GRIP2: variants seen among roughly 807,000 people sequenced by gnomAD.
GRIP2 encodes the protein glutamate receptor-interacting protein 2.
In GRIP2, 58 loss-of-function variants were observed where a neutral mutation model predicts 108.3. The ratio of observed to expected loss-of-function variants is 0.54; its 90% confidence interval spans 0.43 to 0.67. The LOEUF (loss-of-function observed/expected upper bound fraction) is 0.67, where lower values mean the gene tolerates loss of function less well. Among genes scored for constraint, GRIP2 ranks in the 30% least tolerant of loss-of-function variants. The pLI, the probability that GRIP2 is intolerant of heterozygous loss-of-function variation, is 0.00. For synonymous variants in GRIP2, 586 were observed against 598.2 expected (o/e 0.98, Z 0.30); for missense variants, 1,278 against 1,430.6 (o/e 0.89, Z 1.72).
intron 22 of GRIP2, among the ~76,000 whole-genome samples, chr3:14,495,916 T>A (rs960829055): frequency 1.3e-5 from 2 of 152,040 alleles, no homozygotes; most frequent in African/African-American, 4.8e-5. Flanking sequence ...GAGGCTGAGG[T>A]GGGCAGATCA....
chr3:14,597,809 C>A, the GRIP2 span, among the ~76,000 whole-genome samples: 1 of 152,186 alleles, frequency 6.6e-6, no homozygotes, highest in Admixed American at 6.5e-5. Flanking sequence ...GGGGGCAATT[C>A]TGCATGCTGA....
chr3:14,539,304 T>A (rs993385477), intron 1 of GRIP2, among the ~76,000 whole-genome samples: 2 of 151,952 alleles, frequency 1.3e-5, no homozygotes, highest in African/African-American at 2.4e-5. Flanking sequence ...TGATTATGAG[T>A]GTTATTTTTC....
At chr3:14,519,354 G>T (rs925937725) in intron 9 of GRIP2, among the ~76,000 whole-genome samples, 1 of 152,220 alleles carries the variant, frequency 6.6e-6, no homozygotes, top group African/African-American at 2.4e-5. Flanking sequence ...TGCCCTTAGG[G>T]CTAGGATTTA....
chr3:14,561,669 G>T, the GRIP2 span, among the ~76,000 whole-genome samples: 3 of 152,308 alleles, frequency 2.0e-5, no homozygotes, highest in Non-Finnish European at 4.4e-5. Context: ...TGCCATCCCC[G>T]CCTGCTTCCC....
upstream of GRIP2, among the ~76,000 whole-genome samples, chr3:14,545,211 T>C (rs1343393126): frequency 6.6e-6 from 1 of 152,132 alleles, no homozygotes; most frequent in Non-Finnish European, 1.5e-5. Flanking sequence ...GTGACCAGCA[T>C]TTTGCACACA....
chr3:14,576,763 C>A, the GRIP2 span, among the ~76,000 whole-genome samples: 1 of 152,232 alleles, frequency 6.6e-6, no homozygotes, highest in African/African-American at 2.4e-5. Context: ...TCCATTTTGA[C>A]CCCACTGCTA....
chr3:14,525,754 G>GAGC, intron 2 of GRIP2, 97 bp downstream of exon 2: 1 of 1,355,760 alleles, frequency 7.4e-7, no homozygotes, highest in Non-Finnish European at 1.0e-6. Context: ...TAAGGTCACA[G>GAGC]AGCAAGTCAG....
chr3:14,601,741 C>G, the GRIP2 span, among the ~76,000 whole-genome samples: 3 of 152,226 alleles, frequency 2.0e-5, no homozygotes, highest in Admixed American at 2.0e-4. Context: ...CAGCTCTCTC[C>G]GTCTTCCTCC....
intron 10 of GRIP2, 58 bp from the exon 11 acceptor site, chr3:14,517,271 A>C: frequency 6.8e-7 from 1 of 1,468,138 alleles, no homozygotes. Flanking sequence ...ACCCCACCAC[A>C]CAGTGGGTGC....
Position 14,513,824 on chromosome 3 carries a change from G to A in GRIP2, c.1494-14C>T. On this transcript the variant is annotated splice_polypyrimidine_tract_variant and intron_variant, in intron 12 of 23. Transcript: ENST00000621039. Reference sequence around the variant, plus strand: ...AGCAGCCCACACCTGAACCCAGGGGGCCCGGCAGAGAGAAGAGGCTCCGTG... The same window carrying A: ...AGCAGCCCACACCTGAACCCAGGGGACCCGGCAGAGAGAAGAGGCTCCGTG... The A allele has an allele frequency of 6.2e-7, 1 of 1,610,438 alleles. No homozygotes were observed. Among genetic ancestry groups the A allele is most frequent in the Non-Finnish European group, 8.5e-7 (1 of 1,178,144 alleles).
rs569984566 is a variant in GRIP2, at chr3:14,520,155, G to A, written c.985C>T (p.Leu329=). 9.7e-5 allele frequency: 156 copies of A among 1,610,896 alleles called. No individual in the cohort carries two copies. In the East Asian group the frequency reaches 2.9e-3, roughly 29 times the overall value. Residue 329 remains leucine (L), a synonymous_variant, in exon 9 of 24, where the codon CTG becomes TTG. Transcript: ENST00000621039. Reference sequence around the variant, plus strand: ...GGCCGCTGACTCTGGGGCACAGGCAGGATCTCCAGCCGCACCTTCTCTGAA... The same window carrying A: ...GGCCGCTGACTCTGGGGCACAGGCAAGATCTCCAGCCGCACCTTCTCTGAA... ...SISEKVRLEI[L]PVPQSQRPLR...
In GRIP2 at chr3:14,524,440, A is replaced by G; in HGVS notation, c.356T>C (p.Val119Ala). The G allele has an allele frequency of 2.5e-6, 4 of 1,606,412 alleles. No individual in the cohort carries two copies. The highest frequency in any genetic ancestry group is 3.4e-6 in the Non-Finnish European group (4 of 1,176,778). The change falls in exon 4 of 24, where the codon GTG becomes GCG. Residue 119 changes from valine to alanine, a missense_variant. Physicochemically the swap from Val to Ala is moderately conservative, Grantham distance 64. Coordinates refer to ENST00000621039, the MANE Select transcript of GRIP2 (RefSeq NM_001080423.4). ...CACCTCCAGCACCACGCGCTCGCCC[A>G]CATTCTTGAGCAGGGTGATGATCTC... ...HDEIITLLKN[V>A]GERVVLEVEY...
chr3:14,496,988 T>C (rs1206906037), intron 21 of GRIP2, among the ~76,000 whole-genome samples: 1 of 141,224 alleles, frequency 7.1e-6, no homozygotes, highest in Non-Finnish European at 1.5e-5. Flanking sequence ...TGAGACAAAG[T>C]TTTGCTCTTG....
the GRIP2 span, among the ~76,000 whole-genome samples, chr3:14,601,437 A>C: frequency 6.6e-6 from 1 of 152,080 alleles, no homozygotes; most frequent in Non-Finnish European, 1.5e-5. Flanking sequence ...CCTTATTGGC[A>C]GCCCTTCTCC....
the GRIP2 span, among the ~76,000 whole-genome samples, chr3:14,602,548 G>T: frequency 6.6e-6 from 1 of 151,736 alleles, no homozygotes; most frequent in South Asian, 2.1e-4. This position sits in a 1 kb window ranked among gnomAD's most constrained non-coding sequence, Gnocchi z 4.7. Flanking sequence ...GCACGTGGCC[G>T]CCTCGCCAAG....
intron 3 of GRIP2, among the ~76,000 whole-genome samples, 200 bp from the exon 4 acceptor site, chr3:14,524,738 C>T (rs182556182): frequency 7.2e-5 from 11 of 152,318 alleles, no homozygotes; most frequent in Non-Finnish European, 1.0e-4. Context: ...ACCCAGGTCC[C>T]AGGCTTTCCC....
the GRIP2 span, among the ~76,000 whole-genome samples, chr3:14,563,148 C>T: frequency 6.6e-6 from 1 of 152,050 alleles, no homozygotes. Flanking sequence ...TTGGAGACAA[C>T]CAGGGAAAAT....
At chr3:14,545,957 C>T (rs1695051740), upstream of GRIP2, among the ~76,000 whole-genome samples, 2 of 152,306 alleles carry the variant, frequency 1.3e-5, no homozygotes, top group Non-Finnish European at 2.9e-5. Context: ...GAAAGACAGA[C>T]AGACGGACAG....
chr3:14,524,298 G>T, intron 4 of GRIP2, 95 bp downstream of exon 4: 1 of 1,416,374 alleles, frequency 7.1e-7, no homozygotes, highest in Non-Finnish European at 9.5e-7. Flanking sequence ...CACTCCATCT[G>T]GCATGATCCC....
Sources: gnomAD v4.1 joint callset for allele counts (sites outside exome capture counted in the v4.1 genomes callset) on GRCh38, gnomAD v4.1.1 for gene constraint, Gnocchi (gnomAD v3.1) non-coding constraint, MANE v1.5 for transcripts, NCBI Gene and HGNC (gene_info 2026-07-23, HGNC 2026-07-21) for gene names.